Variants in TRIP4 observed in about 807,000 individuals in gnomAD.
The protein encoded by TRIP4 is activating signal cointegrator 1.
Under a neutral mutation model 81.8 loss-of-function variants are expected in TRIP4, and 54 were observed. The ratio of observed to expected loss-of-function variants is 0.66; its 90% CI spans 0.53 to 0.83. The LOEUF is 0.83. TRIP4 is among the 40% of genes least tolerant of loss of function. The pLI is 0.00. For synonymous variants in TRIP4, 270 were observed against 242.8 expected, an observed-to-expected ratio of 1.11 and a Z score of -1.04; for missense variants, 662 against 683.6, an observed-to-expected ratio of 0.97 and a Z score of 0.35.
chr15:64,402,873 G>A (rs1566973913), intron 5 of TRIP4, among the ~76,000 whole-genome samples: 1 of 149,746 alleles, frequency 6.7e-6, no homozygotes, highest in African/African-American at 2.5e-5. Flanking sequence ...TAGTTAGTTA[G>A]TTTTGAGATG....
intron 12 of TRIP4, among the ~76,000 whole-genome samples, chr15:64,449,435 A>AGAACTCT: frequency 6.6e-6 from 1 of 151,920 alleles, no homozygotes; most frequent in East Asian, 1.9e-4. Context: ...TCTGGGCTCA[A>AGAACTCT]GAGATCTTCC....
chr15:64,446,151 G>A (rs1204856672), intron 12 of TRIP4, among the ~76,000 whole-genome samples: 2 of 151,764 alleles, frequency 1.3e-5, no homozygotes, highest in African/African-American at 4.8e-5. Context: ...GTGGGCACCT[G>A]TAATCCCAGC....
At chr15:64,397,890 A>G in intron 4 of TRIP4, 72 bp downstream of exon 4, 1 of 1,521,152 alleles carries the variant, frequency 6.6e-7, no homozygotes, top group Non-Finnish European at 8.9e-7. Context: ...GATCTCAAGT[A>G]ATTTCTCTTT....
chr15:64,442,990 C>CAAA (rs778464158), intron 11 of TRIP4, among the ~76,000 whole-genome samples: 5 of 90,146 alleles, frequency 5.5e-5, no homozygotes, highest in Non-Finnish European at 9.2e-5. Flanking sequence ...GACTCCATCT[C>CAAA]AAAAAAAAAA....
chr15:64,404,812 A>C (rs1314869210), intron 5 of TRIP4, among the ~76,000 whole-genome samples: 1 of 152,002 alleles, frequency 6.6e-6, no homozygotes, highest in Non-Finnish European at 1.5e-5. Flanking sequence ...CAGCCTCCCA[A>C]GTAGCTGGAT....
intron 9 of TRIP4, among the ~76,000 whole-genome samples, chr15:64,419,516 A>G (rs1170409936): frequency 6.6e-6 from 1 of 151,136 alleles, no homozygotes; most frequent in Non-Finnish European, 1.5e-5. Context: ...CCGCCACCAC[A>G]CCTGGTTAAT....
chr15:64,403,533 A>G, intron 5 of TRIP4, among the ~76,000 whole-genome samples: 1 of 152,086 alleles, frequency 6.6e-6, no homozygotes, highest in Non-Finnish European at 1.5e-5. Flanking sequence ...TTTTGTTCCT[A>G]CCTTGGTTCA....
intron 11 of TRIP4, among the ~76,000 whole-genome samples, chr15:64,429,222 C>T (rs1233986630): frequency 3.9e-5 from 6 of 151,938 alleles, no homozygotes; most frequent in Non-Finnish European, 8.8e-5. Flanking sequence ...GAGGCTGAGG[C>T]AGGAGAATTG....
chr15:64,449,236 T>C (rs1313096287), intron 12 of TRIP4, among the ~76,000 whole-genome samples: 1 of 151,618 alleles, frequency 6.6e-6, no homozygotes, highest in Non-Finnish European at 1.5e-5. Context: ...TAATTAATAG[T>C]CTGCTTTACT....
Position 64,455,040 on chromosome 15 carries a change from A to C in TRIP4, c.1722A>C (p.Leu574Phe). The change falls in exon 13 of 13, where the codon TTA (leucine) becomes TTC (phenylalanine). Residue 574 changes from leucine (L) to phenylalanine (F), a missense_variant. Coordinates refer to ENST00000261884, the MANE Select transcript of TRIP4 (RefSeq NM_016213.5). ...TCCATCAAGGAGCAAAGAAGGGGTTAATGAAGCAGAATAAAGCTGTCTGAC... is the reference window on the plus strand; with the variant it reads ...TCCATCAAGGAGCAAAGAAGGGGTTCATGAAGCAGAATAAAGCTGTCTGAC... ...SKIHQGAKKG[L>F]MKQNKAV 1 of 1,614,070 alleles carries C rather than the reference A, an allele frequency of 6.2e-7. No homozygotes were observed. The highest frequency in any genetic ancestry group is 8.5e-7 in the Non-Finnish European group (1 of 1,179,960).
rs1221732761 is a variant in TRIP4, at chr15:64,425,567, C to T, written c.1511C>T (p.Ser504Leu). Reference protein sequence around the residue: ...KDVEFPNDYPSGCLLGCVDLI... With the variant: ...KDVEFPNDYPLGCLLGCVDLI... Reference sequence around the variant, plus strand: ...GTGGAATTTCCTAATGACTATCCGTCAGGTTGTCTTCTGGGCTGTGTGGAC... The same window carrying T: ...GTGGAATTTCCTAATGACTATCCGTTAGGTTGTCTTCTGGGCTGTGTGGAC... Residue 504 changes from serine to leucine, a missense_variant, in exon 11 of 13, where the codon TCA (serine) becomes TTA (leucine). Transcript: ENST00000261884. 1.9e-6 allele frequency: 3 copies of T among 1,612,250 alleles called. No homozygotes were observed. The highest frequency in any genetic ancestry group is 2.5e-6 in the Non-Finnish European group (3 of 1,179,434).
intron 11 of TRIP4, among the ~76,000 whole-genome samples, chr15:64,433,385 A>G (rs1003579175): frequency 6.6e-6 from 1 of 152,036 alleles, no homozygotes; most frequent in Non-Finnish European, 1.5e-5. Flanking sequence ...TGTAATGTCC[A>G]GGGTGAGGAG....
intron 1 of TRIP4, 47 bp from the exon 2 acceptor site, chr15:64,393,899 A>C (rs1900207564): frequency 1.4e-6 from 2 of 1,463,628 alleles, no homozygotes; most frequent in South Asian, 1.4e-5. Context: ...ACTGAGAAAC[A>C]GTGTAAGTTA....
Position 64,387,854 on chromosome 15 carries a change from G to A in TRIP4, c.-10G>A, listed in dbSNP as rs200593834. ...GGCTTTTGCAGCTCAGCTGGTTCCG[G>A]CTGGGGAAGATGGCGGTGGCTGGGG... On this transcript the variant is annotated 5_prime_UTR_variant, in exon 1 of 13. Coordinates refer to ENST00000261884, the MANE Select transcript of TRIP4 (RefSeq NM_016213.5). 9.1e-6 allele frequency: 14 copies of A among 1,543,002 alleles called. No homozygotes were observed. In the East Asian group the frequency reaches 3.2e-4, roughly 35 times the overall value.
chr15:64,402,816 G>A (rs1016113891), intron 5 of TRIP4, among the ~76,000 whole-genome samples: 7 of 151,910 alleles, frequency 4.6e-5, no homozygotes, highest in African/African-American at 9.7e-5. Context: ...GTGAGCCACC[G>A]CACTTGGTCA....
At chr15:64,427,140 C>G (rs2140302411) in intron 11 of TRIP4, among the ~76,000 whole-genome samples, 1 of 152,268 alleles carries the variant, frequency 6.6e-6, no homozygotes, top group East Asian at 1.9e-4. Context: ...TAGCAGAAAT[C>G]CAAAACAGGA....
intron 7 of TRIP4, among the ~76,000 whole-genome samples, chr15:64,412,035 T>C (rs976009682): frequency 2.0e-5 from 3 of 152,190 alleles, no homozygotes; most frequent in Admixed American, 6.5e-5. Flanking sequence ...AAGATAACAA[T>C]TTCCTTTTCC....
Position 64,392,579 on chromosome 15 carries a change from C to T in TRIP4, c.102-1367C>T, listed in dbSNP as rs548515419. 3.8e-4 allele frequency among the ~76,000 whole-genome samples: 58 copies of T among 152,054 alleles called. 1 individual carries two copies. Among genetic ancestry groups the T allele is most frequent in the Middle Eastern group, 3.4e-3 (1 of 294 alleles). On this transcript the variant is annotated intron_variant, in intron 1 of 12. Transcript: ENST00000261884. ...AACTCCTGACCTCAGGTGATCCACC[C>T]GCCTCAGCCTCCCAAAGTGCTGGGA...
rs1271138037 is a variant in TRIP4, at chr15:64,414,120, C to T, written c.1079C>T (p.Thr360Ile). ...ACAATACAGGCCATTGCCAATGGAA[C>T]CTTGAACCAGCCACTGACCAAATTG... ...DETIQAIANG[T>I]LNQPLTKLDR... The change falls in exon 8 of 13, where the codon ACC (threonine) becomes ATC (isoleucine). Residue 360 changes from threonine (T) to isoleucine (I), a missense_variant. Thr to Ile is a moderately conservative substitution (Grantham distance 89). Coordinates refer to ENST00000261884, the MANE Select transcript of TRIP4 (RefSeq NM_016213.5). 2 of 1,614,106 alleles carry T rather than the reference C, an allele frequency of 1.2e-6. No individual in the cohort carries two copies. The highest frequency in any genetic ancestry group is 3.3e-5 in the Admixed American group (2 of 60,006).
Sources: allele counts gnomAD v4.1 joint callset (sites outside exome capture counted in the v4.1 genomes callset), GRCh38; gene constraint gnomAD v4.1.1; transcripts MANE v1.5; gene names NCBI Gene and HGNC (gene_info 2026-07-23, HGNC 2026-07-21).